Variants in SATL1 observed in about 807,000 individuals in gnomAD.
SATL1 encodes the protein spermidine/spermine N1-acetyl transferase like 1, also known as spermidine/spermine N(1)-acetyltransferase-like protein 1.
A neutral mutation model predicts 51.8 loss-of-function variants in SATL1; 47 were observed. The observed-to-expected ratio is 0.91, with a 90% CI of 0.72 to 1.16. The LOEUF is 1.16. Among genes scored for constraint, SATL1 ranks in the 50% most tolerant of loss-of-function variants. The pLI is 0.00. For missense variants in SATL1, 520 were observed against 526.4 expected (o/e 0.99, Z 0.12); for synonymous variants, 176 against 182.4 (o/e 0.97, Z 0.28).
chrX:85,197,337 T>A (rs1285586960), intron 2 of SATL1, among the ~76,000 whole-genome samples: 1 of 111,434 alleles, frequency 9.0e-6, no homozygotes, highest in Non-Finnish European at 1.9e-5. Context: ...GGGGTATACA[T>A]CACTTCAAGA....
chrX:85,095,773 C>A (rs1258190770), intron 4 of SATL1, among the ~76,000 whole-genome samples: 1 of 90,456 alleles, frequency 1.1e-5, no homozygotes, highest in East Asian at 3.4e-4. Context: ...TTGCAGTGAG[C>A]CGAGATCCCG....
At chrX:85,119,120 T>A (rs999028239) in intron 2 of SATL1, among the ~76,000 whole-genome samples, 13 of 111,469 alleles carry the variant, frequency 1.2e-4, no homozygotes, top group African/African-American at 3.9e-4. Context: ...CATTTATTCA[T>A]CACAATGAGT....
chrX:85,101,883 A>C (rs1333862718), intron 4 of SATL1, among the ~76,000 whole-genome samples: 1 of 110,396 alleles, frequency 9.1e-6, no homozygotes, highest in African/African-American at 3.3e-5. Context: ...ACTTGGATGA[A>C]ACTTGAAACA....
chrX:85,108,771 T>G lies in SATL1; in HGVS notation c.198A>C (p.Leu66=), dbSNP rs752844561. The change falls in exon 3 of 8, where the codon CTA becomes CTC. Residue 66 remains leucine (L), a synonymous_variant. Coordinates refer to ENST00000644105, the MANE Select transcript of SATL1 (RefSeq NM_001367857.2). ...TCATGTCGGGTTGGTTTATGTCTGGTAGGTTTGTACCTGATTGCCTCATGC... is the reference window on the plus strand; with the variant it reads ...TCATGTCGGGTTGGTTTATGTCTGGGAGGTTTGTACCTGATTGCCTCATGC... ...QAGMRQSGTN[L]PDINQPDMKQ... The G allele has an allele frequency of 1.4e-4, 165 of 1,209,018 alleles. 1 individual carries two copies. In the African/African-American group the frequency reaches 2.6e-3, roughly 19 times the overall value.
At chrX:85,237,756 A>G (rs1311054340) in intron 1 of SATL1, among the ~76,000 whole-genome samples, 1 of 111,649 alleles carries the variant, frequency 9.0e-6, no homozygotes, top group Non-Finnish European at 1.9e-5. Context: ...CAAAGGAAAT[A>G]ATCAACAAAG....
At chrX:85,223,241 AG>A (rs755756258) in intron 2 of SATL1, among the ~76,000 whole-genome samples, 20 of 111,799 alleles carry the variant, frequency 1.8e-4, no homozygotes, top group Non-Finnish European at 3.4e-4. Flanking sequence ...ATGTTTTGTT[AG>A]GAATTATCCC....
At chrX:85,231,685 C>A (rs1928384286) in intron 1 of SATL1, among the ~76,000 whole-genome samples, 1 of 111,653 alleles carries the variant, frequency 9.0e-6, no homozygotes, top group Non-Finnish European at 1.9e-5. Context: ...TGCTCTCCTG[C>A]CACAGTGAAA....
chrX:85,233,577 T>G (rs1175480783), intron 1 of SATL1, among the ~76,000 whole-genome samples: 2 of 112,031 alleles, frequency 1.8e-5, no homozygotes, highest in Admixed American at 1.9e-4. Context: ...CAGATAAATT[T>G]AACAAAGAGG....
intron 2 of SATL1, among the ~76,000 whole-genome samples, chrX:85,117,084 C>G (rs958911005): frequency 9.0e-6 from 1 of 111,665 alleles, no homozygotes; most frequent in Non-Finnish European, 1.9e-5. Flanking sequence ...ATGCGGGCAG[C>G]CCAGCCCATG....
At chrX:85,179,161 T>C (rs1329379446) in intron 2 of SATL1, among the ~76,000 whole-genome samples, 2 of 111,995 alleles carry the variant, frequency 1.8e-5, no homozygotes. Flanking sequence ...CAAATTTGTA[T>C]GTAAATAGCC....
At chrX:85,128,470 C>T (rs1341994515) in intron 2 of SATL1, among the ~76,000 whole-genome samples, 1 of 112,093 alleles carries the variant, frequency 8.9e-6, no homozygotes, top group Non-Finnish European at 1.9e-5. Context: ...TGTTCATATC[C>T]TTTACCCACT....
intron 2 of SATL1, among the ~76,000 whole-genome samples, chrX:85,217,629 C>A (rs1239569701): frequency 3.6e-5 from 4 of 111,909 alleles, no homozygotes; most frequent in African/African-American, 1.3e-4. Context: ...TAACCAAGCT[C>A]AGCATTCTGT....
intron 2 of SATL1, among the ~76,000 whole-genome samples, chrX:85,181,190 T>C: frequency 1.1e-5 from 1 of 87,532 alleles, no homozygotes; most frequent in Non-Finnish European, 2.1e-5. Context: ...TGTGTGTGTA[T>C]ATATATATAT....
At chrX:85,197,064 T>C (rs894062066) in intron 2 of SATL1, among the ~76,000 whole-genome samples, 1 of 111,328 alleles carries the variant, frequency 9.0e-6, no homozygotes, top group African/African-American at 3.3e-5. Flanking sequence ...AGTAAGAGAG[T>C]GAGAGAAAAT....
chrX:85,102,173 A>G (rs1012617442), intron 4 of SATL1, among the ~76,000 whole-genome samples: 13 of 109,327 alleles, frequency 1.2e-4, no homozygotes, highest in African/African-American at 3.0e-4. Flanking sequence ...ATGTTGGTGT[A>G]CTGCACCCAT....
intron 4 of SATL1, among the ~76,000 whole-genome samples, chrX:85,100,778 G>A (rs1924872064): frequency 9.0e-6 from 1 of 111,593 alleles, no homozygotes; most frequent in South Asian, 3.8e-4. Flanking sequence ...TAATATTGGA[G>A]GACTCACACT....
In SATL1 at chrX:85,223,762, C is replaced by T. The variant is rs779497785; in HGVS notation, c.-313+443G>A. 2.7e-5 allele frequency among the ~76,000 whole-genome samples: 3 copies of T among 111,534 alleles called. No individual in the cohort carries two copies. The South Asian group carries it at 1.1e-3, about 42-fold the overall frequency. ...GAGAAGCCTGGTACTGTGCCAAACT[C>T]CTTTACAGGCAGGAGCTTTCCACAG... is the stretch of plus-strand genomic sequence containing the variant. On this transcript the variant is annotated intron_variant, in intron 2 of 7. Transcript: ENST00000644105.
intron 2 of SATL1, among the ~76,000 whole-genome samples, chrX:85,197,971 C>T (rs1476626681): frequency 1.8e-5 from 2 of 110,193 alleles, no homozygotes; most frequent in Non-Finnish European, 3.8e-5. Context: ...ATCCCCACCC[C>T]TTGCCCCTGC....
intron 2 of SATL1, among the ~76,000 whole-genome samples, chrX:85,112,654 A>G (rs982904680): frequency 3.6e-5 from 4 of 111,136 alleles, no homozygotes; most frequent in African/African-American, 1.3e-4. Flanking sequence ...AGGGTCATAT[A>G]CCAGTTAGAC....
Sources: allele counts gnomAD v4.1 joint callset (sites outside exome capture counted in the v4.1 genomes callset), GRCh38; gene constraint gnomAD v4.1.1; transcripts MANE v1.5; gene names NCBI Gene and HGNC (gene_info 2026-07-23, HGNC 2026-07-21).